Variants in ACVR2A observed in about 807,000 individuals in gnomAD.
ACVR2A encodes activin receptor type-2A.
Under a neutral mutation model 61.4 loss-of-function variants are expected in ACVR2A, and 7 were observed. That is an observed-to-expected ratio of 0.11 (90% CI 0.06 to 0.21). The LOEUF (loss-of-function observed/expected upper bound fraction) is 0.21, where lower values mean the gene tolerates loss of function less well. ACVR2A is among the 10% of genes least tolerant of loss of function. ACVR2A has a pLI of 1.00. For synonymous variants in ACVR2A, 193 were observed against 208.3 expected (o/e 0.93, Z 0.63); for missense variants, 322 against 621.7 (o/e 0.52, Z 5.13).
chr2:147,845,650 G>C (rs981450222), intron 1 of ACVR2A, among the ~76,000 whole-genome samples: 1 of 152,150 alleles, frequency 6.6e-6, no homozygotes, highest in African/African-American at 2.4e-5. Flanking sequence ...TGAATATCAC[G>C]ACATAGATCA....
rs1184879769 is a variant in ACVR2A, at chr2:147,925,312, T to G, written c.1217-719T>G. ...TGAAGTAAGTAATATATGTAAAGTT[T>G]CTGATCAGGATAGGTGCTTACTGGA... On this transcript the variant is annotated intron_variant, in intron 9 of 10. Coordinates refer to ENST00000241416, the MANE Select transcript of ACVR2A (RefSeq NM_001616.5). Among the ~76,000 whole-genome samples the G allele has an allele frequency of 5.3e-5, 8 of 152,000 alleles. No individual in the cohort carries two copies. The East Asian group carries it at 1.3e-3, about 26-fold the overall frequency.
intron 1 of ACVR2A, among the ~76,000 whole-genome samples, chr2:147,865,335 AC>A (rs1685826318): frequency 6.6e-6 from 1 of 152,154 alleles, no homozygotes; most frequent in Non-Finnish European, 1.5e-5. Flanking sequence ...CCAACTGTTA[AC>A]CTAAAGTAAG....
chr2:147,927,036 C>CA, intron 10 of ACVR2A, 44 bp from the exon 11 acceptor site: 1 of 1,563,546 alleles, frequency 6.4e-7, no homozygotes. Flanking sequence ...TAATAGAAAA[C>CA]AAAAACTGCT....
chr2:147,862,559 C>T (rs1394017008), intron 1 of ACVR2A, among the ~76,000 whole-genome samples: 1 of 152,078 alleles, frequency 6.6e-6, no homozygotes, highest in African/African-American at 2.4e-5. Flanking sequence ...GCCTGGCCAA[C>T]ATGGTGCAAC....
intron 4 of ACVR2A, among the ~76,000 whole-genome samples, chr2:147,912,660 A>T (rs143115916): frequency 2.0e-3 from 300 of 152,032 alleles, no homozygotes; most frequent in African/African-American, 6.7e-3. Flanking sequence ...GATGAGTGAA[A>T]CTTACAGATG....
rs114527031 is a variant in ACVR2A, at chr2:147,857,254, A to C, written c.55+12047A>C. Among the ~76,000 whole-genome samples, 1,202 of 152,266 alleles carry C rather than the reference A, an allele frequency of 7.9e-3. 15 individuals are homozygous for C. Among genetic ancestry groups the C allele is most frequent in the African/African-American group, 0.027 (1,127 of 41,552 alleles). On this transcript the variant is annotated intron_variant, in intron 1 of 10. Transcript: ENST00000241416. ...TATTTTTCACTATTGTATCCCTAGA[A>C]TATCCCCACATCAAGAACTGTAGTT...
intron 1 of ACVR2A, among the ~76,000 whole-genome samples, chr2:147,848,394 G>C (rs573249518): frequency 6.6e-6 from 1 of 152,192 alleles, no homozygotes; most frequent in African/African-American, 2.4e-5. Flanking sequence ...GGGACATTTG[G>C]AGACATTTTT....
At chr2:147,866,990 G>C (rs1685872504) in intron 1 of ACVR2A, among the ~76,000 whole-genome samples, 1 of 152,172 alleles carries the variant, frequency 6.6e-6, no homozygotes, top group Non-Finnish European at 1.5e-5. Context: ...AGAGCTTGTA[G>C]AGAAGATCAA....
At chr2:147,876,926 G>C (rs1311596310) in intron 1 of ACVR2A, among the ~76,000 whole-genome samples, 1 of 152,114 alleles carries the variant, frequency 6.6e-6, no homozygotes, top group Non-Finnish European at 1.5e-5. Flanking sequence ...TGTTGCTCCT[G>C]TCCCTTCACC....
intron 4 of ACVR2A, among the ~76,000 whole-genome samples, chr2:147,913,241 T>G (rs1687162295): frequency 6.6e-6 from 1 of 151,910 alleles, no homozygotes; most frequent in Admixed American, 6.6e-5. Context: ...TGATGTCCTT[T>G]AGAACAGAGA....
intron 1 of ACVR2A, among the ~76,000 whole-genome samples, chr2:147,891,711 G>A (rs1416588801): frequency 3.9e-5 from 6 of 152,122 alleles, no homozygotes; most frequent in African/African-American, 1.4e-4. Flanking sequence ...TATGCTACAA[G>A]GGCAGAGTTA....
At chr2:147,875,061 A>T (rs931889053) in intron 1 of ACVR2A, among the ~76,000 whole-genome samples, 33 of 152,112 alleles carry the variant, frequency 2.2e-4, no homozygotes, top group African/African-American at 7.2e-4. Flanking sequence ...TGTAGAGGCG[A>T]AGCGGGATTA....
chr2:147,853,801 A>C (rs1373312250), intron 1 of ACVR2A, among the ~76,000 whole-genome samples: 2 of 152,090 alleles, frequency 1.3e-5, no homozygotes, highest in Non-Finnish European at 2.9e-5. Context: ...ATTTTAAAGG[A>C]AAAGTTTATT....
chr2:147,926,986 A>AG (rs1687519590), intron 10 of ACVR2A, 94 bp from the exon 11 acceptor site: 1 of 1,229,516 alleles, frequency 8.1e-7, no homozygotes, highest in Non-Finnish European at 1.1e-6. Context: ...TCTTTGACCC[A>AG]GAAAAATAGC....
intron 4 of ACVR2A, among the ~76,000 whole-genome samples, chr2:147,913,263 G>A (rs1188820591): frequency 6.6e-6 from 1 of 151,782 alleles, no homozygotes; most frequent in Admixed American, 6.6e-5. Context: ...TGGGTAATGT[G>A]TAGATTAACT....
At chr2:147,914,298 T>C (rs552995620) in intron 4 of ACVR2A, among the ~76,000 whole-genome samples, 2 of 152,018 alleles carry the variant, frequency 1.3e-5, no homozygotes, top group Non-Finnish European at 2.9e-5. Flanking sequence ...AAAGGCTTCC[T>C]GCATCTTGCT....
chr2:147,847,301 C>T (rs1381026864), intron 1 of ACVR2A, among the ~76,000 whole-genome samples: 3 of 151,922 alleles, frequency 2.0e-5, no homozygotes, highest in African/African-American at 7.3e-5. Context: ...TATACATGAA[C>T]AATTTGAGTA....
At chr2:147,917,203 C>A in intron 5 of ACVR2A, 80 bp from the exon 6 acceptor site, 1 of 1,371,364 alleles carries the variant, frequency 7.3e-7, no homozygotes, top group Non-Finnish European at 9.7e-7. Flanking sequence ...TACTTTGGAA[C>A]TTATTTGAGT....
At chr2:147,846,839 G>A (rs1480052304) in intron 1 of ACVR2A, among the ~76,000 whole-genome samples, 1 of 152,066 alleles carries the variant, frequency 6.6e-6, no homozygotes, top group East Asian at 1.9e-4. Flanking sequence ...CAAATCCCTT[G>A]TTCTGATCTC....
Sources: gnomAD v4.1 joint callset for allele counts (sites outside exome capture counted in the v4.1 genomes callset) on GRCh38, gnomAD v4.1.1 for gene constraint, MANE v1.5 for transcripts, NCBI Gene and HGNC (gene_info 2026-07-23, HGNC 2026-07-21) for gene names.